The following L3MBTL4 variants were observed in gnomAD, a reference collection of about 807,000 sequenced individuals.
L3MBTL4 encodes the protein lethal(3)malignant brain tumor-like protein 4.
A neutral mutation model predicts 84.5 loss-of-function variants in L3MBTL4; 70 were observed. The ratio of observed to expected loss-of-function variants is 0.83; its 90% CI spans 0.68 to 1.01. The LOEUF (loss-of-function observed/expected upper bound fraction) is 1.01, where lower values mean the gene tolerates loss of function less well. Ranked by LOEUF, L3MBTL4 falls within the 50% of genes least tolerant of loss-of-function variation. The probability of loss-of-function intolerance (pLI) is 0.00; values close to 1 mark genes in which losing one functional copy is unlikely to be tolerated. For missense variants in L3MBTL4, 715 were observed against 754.8 expected, an observed-to-expected ratio of 0.95 and a Z score of 0.62; for synonymous variants, 274 against 259.8, an observed-to-expected ratio of 1.05 and a Z score of -0.52.
chr18:5,972,882 T>G lies in L3MBTL4; in HGVS notation c.1445-3320A>C, dbSNP rs7505540. 5.6e-3 allele frequency among the ~76,000 whole-genome samples: 186 copies of G among 33,140 alleles called. 5 individuals carry two copies. The East Asian group carries it at 0.073, about 13-fold the overall frequency. 21.7% of individuals were successfully genotyped at this position (33,140 alleles called of 152,430 possible). A position where few individuals can be genotyped will look rare whatever the true frequency, so the allele number is the denominator to read the frequency against. ...TAGTATAGAATAGAATAGAATAGAA[T>G]AGAACAGAAGAGAATAGAATAGAAT... is the stretch of plus-strand genomic sequence containing the variant. On this transcript the variant is annotated intron_variant, in intron 16 of 18. Transcript: ENST00000317931.
chr18:6,232,253 G>A (rs1182772465), intron 10 of L3MBTL4, among the ~76,000 whole-genome samples: 1 of 151,988 alleles, frequency 6.6e-6, no homozygotes, highest in Non-Finnish European at 1.5e-5. Context: ...TATGGTGTAT[G>A]TAATCTTTTT....
chr18:6,264,084 G>T, intron 4 of L3MBTL4, 46 bp from the exon 5 acceptor site: 1 of 1,364,068 alleles, frequency 7.3e-7, no homozygotes, highest in Non-Finnish European at 1.0e-6. Context: ...ATTAGTGACA[G>T]GAAAATAATA....
chr18:6,292,912 C>A (rs2049931943), intron 4 of L3MBTL4, among the ~76,000 whole-genome samples: 1 of 137,870 alleles, frequency 7.3e-6, no homozygotes, highest in South Asian at 2.2e-4. Flanking sequence ...CATCACTCAC[C>A]AATCAGGGCT....
At chr18:6,239,912 C>G (rs747952057) in intron 8 of L3MBTL4, 40 bp from the exon 9 acceptor site, 3 of 1,610,980 alleles carry the variant, frequency 1.9e-6, no homozygotes, top group Non-Finnish European at 1.7e-6. Flanking sequence ...CAAAAAGAAA[C>G]AGGACACCAA....
chr18:6,138,754 G>A (rs961960567), intron 13 of L3MBTL4, among the ~76,000 whole-genome samples: 3 of 152,080 alleles, frequency 2.0e-5, no homozygotes, highest in Non-Finnish European at 4.4e-5. Context: ...GTTTCACCAC[G>A]TTGGCCAGGC....
At position 6,213,175 on chromosome 18, in the gene L3MBTL4, C is replaced by T. The variant is rs138372104; in HGVS notation, c.955G>A (p.Val319Ile). The change falls in exon 12 of 19, where the codon GTA becomes ATA. Residue 319 changes from valine to isoleucine, a missense_variant. Coordinates refer to ENST00000317931, the MANE Select transcript of L3MBTL4 (RefSeq NM_001330559.2). Reference sequence around the variant, plus strand: ...TTTACTCTTTGGTCATCAACATCTACAATCGTAGCAACACGAATTAACCTG... The same window carrying T: ...TTTACTCTTTGGTCATCAACATCTATAATCGTAGCAACACGAATTAACCTG... ...NPRLIRVATI[V>I]DVDDQRVKVH... 4.6e-5 allele frequency: 74 copies of T among 1,599,734 alleles called. No individual in the cohort carries two copies. The African/African-American group carries it at 9.2e-4, about 20-fold the overall frequency.
At chr18:6,002,557 T>C (rs1426593370) in intron 16 of L3MBTL4, among the ~76,000 whole-genome samples, 2 of 152,190 alleles carry the variant, frequency 1.3e-5, no homozygotes, top group African/African-American at 2.4e-5. Flanking sequence ...GTAGTGAGAA[T>C]GGAGCTATAT....
At chr18:6,370,433 C>A (rs999164823) in intron 1 of L3MBTL4, among the ~76,000 whole-genome samples, 6 of 152,210 alleles carry the variant, frequency 3.9e-5, no homozygotes, top group Non-Finnish European at 8.8e-5. Flanking sequence ...GGAGACACTG[C>A]AGGTTCTTCA....
intron 16 of L3MBTL4, among the ~76,000 whole-genome samples, chr18:6,051,749 T>C (rs1308525648): frequency 6.6e-6 from 1 of 152,158 alleles, no homozygotes; most frequent in Non-Finnish European, 1.5e-5. Context: ...GTGGTGCCTG[T>C]GCTAAGGGAA....
At position 6,103,034 on chromosome 18, in the gene L3MBTL4, G is replaced by GT. The variant is rs567585771; in HGVS notation, c.1200-9507dup. ...AAGGTATAAAGTACACTCAAGGAAT[G>GT]TAATAGCGTGCTATGTAGCAACACT... On this transcript the variant is annotated intron_variant, in intron 14 of 18. Transcript: ENST00000317931. 2.2e-3 allele frequency among the ~76,000 whole-genome samples: 331 copies of GT among 152,318 alleles called. 1 individual carries two copies. Among genetic ancestry groups the GT allele is most frequent in the African/African-American group, 7.4e-3 (308 of 41,580 alleles).
chr18:6,161,707 C>T (rs546967374), intron 13 of L3MBTL4, among the ~76,000 whole-genome samples: 5 of 152,278 alleles, frequency 3.3e-5, no homozygotes, highest in African/African-American at 4.8e-5. Context: ...TCAGGCCCGG[C>T]GTGCTCATCT....
intron 14 of L3MBTL4, among the ~76,000 whole-genome samples, chr18:6,112,554 T>G (rs1459875651): frequency 6.6e-6 from 1 of 152,196 alleles, no homozygotes; most frequent in Non-Finnish European, 1.5e-5. Flanking sequence ...CATACACAAA[T>G]CTGCAAATAA....
At chr18:6,010,612 T>C (rs2054689552) in intron 16 of L3MBTL4, among the ~76,000 whole-genome samples, 1 of 152,196 alleles carries the variant, frequency 6.6e-6, no homozygotes, top group Non-Finnish European at 1.5e-5. Flanking sequence ...TTGGCCTAGA[T>C]TTCCAAAGCT....
intron 1 of L3MBTL4, among the ~76,000 whole-genome samples, chr18:6,400,347 C>CA (rs949258098): frequency 1.3e-5 from 2 of 151,910 alleles, no homozygotes; most frequent in Admixed American, 6.6e-5. Context: ...GTGAAATAGA[C>CA]AAAAAAAGTG....
chr18:6,186,480 G>T (rs1328595351), intron 12 of L3MBTL4, among the ~76,000 whole-genome samples: 1 of 152,242 alleles, frequency 6.6e-6, no homozygotes, highest in Non-Finnish European at 1.5e-5. Context: ...TGGGACCGAA[G>T]AAATGGGGAG....
At chr18:6,380,646 C>T (rs542085903) in intron 1 of L3MBTL4, among the ~76,000 whole-genome samples, 6 of 152,238 alleles carry the variant, frequency 3.9e-5, no homozygotes, top group South Asian at 4.1e-4. Flanking sequence ...TTTCTTAATC[C>T]TGAGTTCTAA....
rs975571202 is a variant in L3MBTL4 at position 5,961,637 on chromosome 18, C to T, written c.1615-1481G>A. ...CAGCCATATTGTTGTCATGCAAGGA[C>T]ACCTCCAAGCTCCAGGAGCATCTGT... On this transcript the variant is annotated intron_variant, in intron 17 of 18. Transcript: ENST00000317931. 7.9e-5 allele frequency among the ~76,000 whole-genome samples: 12 copies of T among 152,308 alleles called. No individual in the cohort carries two copies. In the East Asian group the frequency reaches 2.3e-3, roughly 29 times the overall value.
At position 6,394,233 on chromosome 18, in the gene L3MBTL4, C is replaced by T. The variant is rs191634338; in HGVS notation, c.-91+20568G>A. On this transcript the variant is annotated intron_variant, in intron 1 of 18. Transcript: ENST00000317931. Reference sequence around the variant, plus strand: ...CTGTAATCCCAGCACTTTGGGAGACCGAGTTGGGCAGATCACCTGAGGTCA... The same window carrying T: ...CTGTAATCCCAGCACTTTGGGAGACTGAGTTGGGCAGATCACCTGAGGTCA... 9.1e-4 allele frequency among the ~76,000 whole-genome samples: 139 copies of T among 152,140 alleles called. 1 individual carries two copies. The highest frequency in any genetic ancestry group is 3.1e-3 in the African/African-American group (128 of 41,510).
In L3MBTL4 at chr18:6,311,540, G is replaced by T; in HGVS notation, c.72+14C>A. 1 of 1,607,288 alleles carries T rather than the reference G, an allele frequency of 6.2e-7. No homozygotes were observed. The highest frequency in any genetic ancestry group is 8.5e-7 in the Non-Finnish European group (1 of 1,174,668). On this transcript the variant is annotated intron_variant, in intron 3 of 18. Transcript: ENST00000317931. ...CACACACTGTGAGGAAGGGTCCAGG[G>T]ATGGACATCTTACCAAGCGTCCGTC...
Sources: allele counts gnomAD v4.1 joint callset (sites outside exome capture counted in the v4.1 genomes callset), GRCh38; gene constraint gnomAD v4.1.1; transcripts MANE v1.5; gene names NCBI Gene and HGNC (gene_info 2026-07-23, HGNC 2026-07-21).